The following GDI2 variants were observed in gnomAD, a reference collection of about 807,000 sequenced individuals.
GDI2 encodes GDP dissociation inhibitor 2.
GDI2 carries 22 observed loss-of-function variants against 54.2 expected under a neutral mutation model. That is an observed-to-expected ratio of 0.41 (90% confidence interval 0.29 to 0.58). The LOEUF is 0.58. Ranked by LOEUF, GDI2 falls within the 20% of genes least tolerant of loss-of-function variation. The pLI, the probability that GDI2 is intolerant of heterozygous loss-of-function variation, is 0.35. For missense variants in GDI2, 422 were observed against 546.0 expected, an observed-to-expected ratio of 0.77 and a Z score of 2.26; for synonymous variants, 177 against 182.1, an observed-to-expected ratio of 0.97 and a Z score of 0.23.
At chr10:5,770,528 C>T (rs1012962484) in intron 7 of GDI2, among the ~76,000 whole-genome samples, 2 of 151,808 alleles carry the variant, frequency 1.3e-5, no homozygotes, top group African/African-American at 4.8e-5. Context: ...TGCCACTGCA[C>T]TCCAGCTTGG....
intron 4 of GDI2, 104 bp from the exon 5 acceptor site, chr10:5,786,154 T>C (rs930970706): frequency 2.5e-5 from 16 of 629,912 alleles, no homozygotes; most frequent in African/African-American, 2.4e-4. Flanking sequence ...AACTGCGGAA[T>C]GCAGGATGCA....
At chr10:5,789,432 C>T (rs1588978460) in intron 4 of GDI2, among the ~76,000 whole-genome samples, 1 of 151,854 alleles carries the variant, frequency 6.6e-6, no homozygotes, top group African/African-American at 2.4e-5. Flanking sequence ...TAGGGTCTTG[C>T]TATATAAGGA....
chr10:5,785,371 CTTTT>C, intron 5 of GDI2, 98 bp from the exon 6 acceptor site: 2 of 818,724 alleles, frequency 2.4e-6, no homozygotes, highest in South Asian at 1.9e-5. Context: ...CCGCTATCTT[CTTTT>C]TTGTTTTTTT....
intron 4 of GDI2, among the ~76,000 whole-genome samples, chr10:5,790,199 A>G (rs115161528): frequency 0.015 from 2,223 of 152,354 alleles, 63 homozygotes; most frequent in African/African-American, 0.05. Flanking sequence ...GCCATTTCAG[A>G]CAGACAATTC....
At chr10:5,802,938 G>A (rs1841301287) in intron 1 of GDI2, among the ~76,000 whole-genome samples, 1 of 152,176 alleles carries the variant, frequency 6.6e-6, no homozygotes, top group African/African-American at 2.4e-5. Flanking sequence ...ACTACCACTT[G>A]TGCTTTTGTG....
rs545917284 is a variant in GDI2, at chr10:5,808,506, G to T, written c.45+4708C>A. ...CTGGCCAACATGGTGAAACCCCATC[G>T]CTACTAAACATACAAAAAAATTAGC... On this transcript the variant is annotated intron_variant, in intron 1 of 10. Coordinates refer to ENST00000380191, the MANE Select transcript of GDI2 (RefSeq NM_001494.4). Among the ~76,000 whole-genome samples the T allele has an allele frequency of 6.7e-4, 101 of 151,410 alleles. 2 individuals carry two copies. The highest frequency in any genetic ancestry group is 2.2e-3 in the African/African-American group (92 of 41,242).
At chr10:5,779,371 G>C (rs2131691516) in intron 6 of GDI2, among the ~76,000 whole-genome samples, 1 of 152,064 alleles carries the variant, frequency 6.6e-6, no homozygotes, top group Non-Finnish European at 1.5e-5. Context: ...ACCCGAGTGT[G>C]GTGGCATGTG....
chr10:5,801,837 C>T (rs961956542), intron 1 of GDI2, among the ~76,000 whole-genome samples: 3 of 152,074 alleles, frequency 2.0e-5, no homozygotes, highest in Non-Finnish European at 2.9e-5. Context: ...ACGGTGAAAC[C>T]CTGTCTCTAC....
At chr10:5,806,545 T>C (rs1239112744) in intron 1 of GDI2, among the ~76,000 whole-genome samples, 3 of 152,200 alleles carry the variant, frequency 2.0e-5, no homozygotes, top group Non-Finnish European at 2.9e-5. Context: ...TTATATACTA[T>C]ATATAAATCC....
chr10:5,795,812 G>C (rs1006118461), intron 3 of GDI2, among the ~76,000 whole-genome samples: 1 of 152,028 alleles, frequency 6.6e-6, no homozygotes, highest in Non-Finnish European at 1.5e-5. Context: ...ACCCAGGTGT[G>C]GTGGGACACT....
intron 4 of GDI2, among the ~76,000 whole-genome samples, chr10:5,786,293 C>T (rs1476182675): frequency 2.6e-5 from 4 of 151,150 alleles, no homozygotes; most frequent in Non-Finnish European, 5.9e-5. Context: ...GTCTCAGCCT[C>T]CCGAGTAGCT....
chr10:5,771,033 G>A (rs1257649301), intron 7 of GDI2, among the ~76,000 whole-genome samples: 1 of 148,742 alleles, frequency 6.7e-6, no homozygotes, highest in Non-Finnish European at 1.5e-5. Flanking sequence ...AAAAAATGGA[G>A]GGAAAAAGAC....
chr10:5,785,306 C>A, intron 5 of GDI2, 33 bp from the exon 6 acceptor site: 1 of 1,483,092 alleles, frequency 6.7e-7, no homozygotes, highest in Non-Finnish European at 9.2e-7. Context: ...TAGGAAAGGG[C>A]TTTAGTTTTC....
At chr10:5,786,400 C>G (rs1319045405) in intron 4 of GDI2, among the ~76,000 whole-genome samples, 1 of 151,966 alleles carries the variant, frequency 6.6e-6, no homozygotes, top group African/African-American at 2.4e-5. Flanking sequence ...CTCCTGACCT[C>G]AGGTGATCCG....
intron 1 of GDI2, among the ~76,000 whole-genome samples, chr10:5,804,148 C>T (rs1841325570): frequency 6.6e-6 from 1 of 151,574 alleles, no homozygotes; most frequent in East Asian, 1.9e-4. Context: ...GACTGGAGTG[C>T]AGTGGCGCGA....
At chr10:5,769,269 C>G (rs1391067480) in intron 7 of GDI2, 1 of 152,082 alleles carries the variant, frequency 6.6e-6, no homozygotes, top group Non-Finnish European at 1.5e-5. Context: ...AAAAAAAACC[C>G]TGATTCAAAA....
intron 2 of GDI2, 68 bp downstream of exon 2, chr10:5,800,530 A>G (rs534062989): frequency 1.2e-6 from 1 of 811,600 alleles, no homozygotes; most frequent in East Asian, 2.4e-5. Context: ...TCTAAGGAAT[A>G]AGGTAGAGAT....
At position 5,768,477 on chromosome 10, in the gene GDI2, G is replaced by C; in HGVS notation, c.820-93C>G. 4 of 807,578 alleles carry C rather than the reference G, an allele frequency of 5.0e-6. No individual in the cohort carries two copies. Among genetic ancestry groups the C allele is most frequent in the Non-Finnish European group, 8.0e-6 (4 of 502,922 alleles). The allele number at this position is 807,578 out of a possible 1,614,324, so 50.0% of individuals were successfully genotyped here. On this transcript the variant is annotated intron_variant, in intron 7 of 10. Transcript: ENST00000380191. The surrounding 1 kb of genome is among the most constrained non-coding windows in gnomAD (Gnocchi z 4.4). Reference sequence around the variant, plus strand: ...AGTTTGGAAGACTTAGTATTGTTAAGATATCAAAAACCATCCTCAAGTTCA... The same window carrying C: ...AGTTTGGAAGACTTAGTATTGTTAACATATCAAAAACCATCCTCAAGTTCA...
intron 4 of GDI2, among the ~76,000 whole-genome samples, chr10:5,790,572 G>C (rs1044867000): frequency 6.6e-6 from 1 of 152,154 alleles, no homozygotes; most frequent in African/African-American, 2.4e-5. Context: ...CTTGAACTTG[G>C]GAGGTGGAAG....
Sources: allele counts gnomAD v4.1 joint callset (sites outside exome capture counted in the v4.1 genomes callset), GRCh38; gene constraint gnomAD v4.1.1; non-coding constraint Gnocchi (gnomAD v3.1); transcripts MANE v1.5; gene names NCBI Gene and HGNC (gene_info 2026-07-23, HGNC 2026-07-21).